The following ACSL6 variants were observed in gnomAD, a reference collection of about 807,000 sequenced individuals.
The protein encoded by ACSL6 is long-chain-fatty-acid--CoA ligase 6.
In ACSL6, 47 loss-of-function variants were observed where a neutral mutation model predicts 98.2. The observed-to-expected ratio is 0.48, with a 90% confidence interval of 0.38 to 0.61. The LOEUF is 0.61. Among genes scored for constraint, ACSL6 ranks in the 20% least tolerant of loss-of-function variants. The probability of loss-of-function intolerance (pLI) is 0.00; values close to 1 mark genes in which losing one functional copy is unlikely to be tolerated. For synonymous variants in ACSL6, 362 were observed against 336.9 expected (o/e 1.07, Z -0.82); for missense variants, 761 against 913.4 (o/e 0.83, Z 2.15).
chr5:131,958,199 G>A (rs894695302), intron 20 of ACSL6, among the ~76,000 whole-genome samples: 26 of 152,130 alleles, frequency 1.7e-4, no homozygotes, highest in Admixed American at 1.2e-3. Context: ...GACAGGTCCC[G>A]CATCCAAACA....
chr5:132,004,306 A>G (rs1349998824), intron 1 of ACSL6, among the ~76,000 whole-genome samples: 1 of 151,466 alleles, frequency 6.6e-6, no homozygotes, highest in Non-Finnish European at 1.5e-5. Flanking sequence ...TATTAACCAC[A>G]GCACAGACCT....
intron 9 of ACSL6, 54 bp from the exon 10 acceptor site, chr5:131,976,775 T>G: frequency 1.3e-6 from 2 of 1,498,982 alleles, no homozygotes; most frequent in Non-Finnish European, 1.9e-6. Flanking sequence ...GGCCACTTCT[T>G]GAGAGCAGTG....
At chr5:131,987,979 T>C (rs1480255494) in intron 7 of ACSL6, 69 bp downstream of exon 7, 7 of 1,576,790 alleles carry the variant, frequency 4.4e-6, no homozygotes, top group Admixed American at 3.5e-5. Flanking sequence ...GAGGGACAGA[T>C]AACCAGAAGT....
intron 1 of ACSL6, among the ~76,000 whole-genome samples, chr5:132,008,328 T>A (rs1330251033): frequency 2.0e-5 from 3 of 152,184 alleles, no homozygotes; most frequent in Non-Finnish European, 4.4e-5. Flanking sequence ...AGTGTGCAAG[T>A]CTATGCTTGC....
intron 9 of ACSL6, among the ~76,000 whole-genome samples, chr5:131,977,122 G>A (rs1389000175): frequency 6.6e-6 from 1 of 152,220 alleles, no homozygotes; most frequent in Admixed American, 6.5e-5. Flanking sequence ...GGTCTCCTGA[G>A]TCCAGCAGCC....
chr5:131,996,510 T>A (rs1754800784), intron 1 of ACSL6, among the ~76,000 whole-genome samples: 1 of 152,194 alleles, frequency 6.6e-6, no homozygotes. Flanking sequence ...TGAACTGACT[T>A]AATGATATGA....
At chr5:131,964,049 C>T (rs531968922) in intron 17 of ACSL6, among the ~76,000 whole-genome samples, 4 of 152,214 alleles carry the variant, frequency 2.6e-5, no homozygotes, top group Admixed American at 6.5e-5. Flanking sequence ...TTCAAAATAA[C>T]GTTTTTAAAA....
chr5:131,996,667 T>G (rs1454839415), intron 1 of ACSL6, among the ~76,000 whole-genome samples: 2 of 152,248 alleles, frequency 1.3e-5, no homozygotes, highest in African/African-American at 4.8e-5. Context: ...TTGCATATTG[T>G]GGCATTCGGT....
chr5:131,994,314 G>T, intron 1 of ACSL6, 63 bp from the exon 2 acceptor site: 5 of 1,371,734 alleles, frequency 3.6e-6, no homozygotes, highest in Non-Finnish European at 4.1e-6. Flanking sequence ...AGGGGTCCTG[G>T]GTCACAGGAC....
chr5:131,960,645 C>T (rs1580626115), intron 18 of ACSL6, 24 bp from the exon 19 acceptor site: 2 of 1,585,422 alleles, frequency 1.3e-6, no homozygotes, highest in African/African-American at 1.3e-5. Context: ...CAAAGGAGAA[C>T]ACAGTCATGA....
At position 131,988,097 on chromosome 5, in the gene ACSL6, T is replaced by A; in HGVS notation, c.782A>T (p.Glu261Val). Residue 261 changes from glutamate (E) to valine (V), a missense_variant, in exon 7 of 21, where the codon GAG becomes GTG. Physicochemically the swap from Glu to Val is moderately radical, Grantham distance 121. Transcript: ENST00000651883. Reference sequence around the variant, plus strand: ...GACCACCCCGCACTTCTGCCCTCTCTCTTTCAGGGCTTCTTCGAATGGGTC... The same window carrying A: ...GACCACCCCGCACTTCTGCCCTCTCACTTTCAGGGCTTCTTCGAATGGGTC... ...LMDPFEEALK[E>V]RGQKCGVVIK... 6.2e-7 allele frequency: 1 copy of A among 1,614,172 alleles called. No individual in the cohort carries two copies. The highest frequency in any genetic ancestry group is 8.5e-7 in the Non-Finnish European group (1 of 1,180,018).
chr5:131,985,220 A>G lies in ACSL6; in HGVS notation c.916+187T>C, dbSNP rs1754110422. On this transcript the variant is annotated intron_variant, in intron 9 of 20. Transcript: ENST00000651883. ...CTGGACCTCCCAATGCACACTATCC[A>G]TCTGCATCTGGCCACTCTTATGCAG... 4.4e-6 allele frequency: 3 copies of G among 686,834 alleles called. No homozygotes were observed. The South Asian group carries it at 5.2e-5, about 12-fold the overall frequency. The allele number at this position is 686,834 out of a possible 1,614,324, so 42.5% of individuals were successfully genotyped here.
intron 1 of ACSL6, among the ~76,000 whole-genome samples, chr5:132,005,281 G>A (rs1051591738): frequency 6.6e-6 from 1 of 152,254 alleles, no homozygotes; most frequent in Non-Finnish European, 1.5e-5. Flanking sequence ...CAGGGTCCTG[G>A]GGTCTATGTG....
chr5:131,998,006 G>A (rs1024045365), intron 1 of ACSL6, among the ~76,000 whole-genome samples: 1 of 152,210 alleles, frequency 6.6e-6, no homozygotes, highest in Non-Finnish European at 1.5e-5. Context: ...GGAGGGCAGA[G>A]CCTAGGCCTT....
At position 131,970,196 on chromosome 5, in the gene ACSL6, T is replaced by A; in HGVS notation, c.1439A>T (p.Tyr480Phe). Residue 480 changes from tyrosine (Y) to phenylalanine (F), a missense_variant, in exon 15 of 21, where the codon TAT becomes TTT. Coordinates refer to ENST00000651883, the MANE Select transcript of ACSL6 (RefSeq NM_001009185.3). ...GCACTCAGTTTGGCCATAACCTTCA[T>A]AAACCTTCAAACAAAACACAGAAGC... Reference protein sequence around the residue: ...FLRAALGCQVYEGYGQTECTA... With the variant: ...FLRAALGCQVFEGYGQTECTA... The A allele has an allele frequency of 6.2e-7, 1 of 1,614,004 alleles. No individual in the cohort carries two copies. The highest frequency in any genetic ancestry group is 8.5e-7 in the Non-Finnish European group (1 of 1,179,992).
At chr5:131,962,446 A>C in intron 18 of ACSL6, 89 bp downstream of exon 18, 1 of 1,441,894 alleles carries the variant, frequency 6.9e-7, no homozygotes. Context: ...GCGGAGGAGA[A>C]TCCTGGTGCC....
chr5:131,990,820 C>T lies in ACSL6; in HGVS notation c.385+33G>A, dbSNP rs939549956. 10 of 1,473,250 alleles carry T rather than the reference C, an allele frequency of 6.8e-6. No homozygotes were observed. The African/African-American group carries it at 2.2e-4, about 33-fold the overall frequency. The allele number at this position is 1,473,250 out of a possible 1,614,324, so 91.3% of individuals were successfully genotyped here. ...CACCCACTCCACCCCTGCCACACAG[C>T]CCCTCCACACCCCCCCCCACAACCC... On this transcript the variant is annotated intron_variant, in intron 3 of 20. Coordinates refer to ENST00000651883, the MANE Select transcript of ACSL6 (RefSeq NM_001009185.3).
chr5:131,980,177 T>A (rs1057146036), intron 9 of ACSL6, among the ~76,000 whole-genome samples: 1 of 152,180 alleles, frequency 6.6e-6, no homozygotes, highest in Non-Finnish European at 1.5e-5. Flanking sequence ...CAAAGGTGGG[T>A]TATAATAGTT....
rs767850331 is a variant in ACSL6, at chr5:131,988,838, C to G, written c.619G>C (p.Gly207Arg). 6.2e-7 allele frequency: 1 copy of G among 1,613,768 alleles called. No individual in the cohort carries two copies. The change falls in exon 6 of 21, where the codon GGC (glycine) becomes CGC (arginine). Residue 207 changes from glycine to arginine, a missense_variant. Coordinates refer to ENST00000651883, the MANE Select transcript of ACSL6 (RefSeq NM_001009185.3). ...MVVVPLYDTL[G>R]PGAIRYIINT... ...ATGATGTAGCGGATAGCCCCAGGGC[C>G]CAGGGTGTCATAGAGCGGGACCACC...
Sources: allele counts gnomAD v4.1 joint callset (sites outside exome capture counted in the v4.1 genomes callset), GRCh38; gene constraint gnomAD v4.1.1; transcripts MANE v1.5; gene names NCBI Gene and HGNC (gene_info 2026-07-23, HGNC 2026-07-21).